Variants in FAF1 observed in about 807,000 individuals in gnomAD.
FAF1 encodes FAS-associated factor 1.
In FAF1, 25 loss-of-function variants were observed where a neutral mutation model predicts 92.5. The ratio of observed to expected loss-of-function variants is 0.27; its 90% CI spans 0.20 to 0.38. The LOEUF (loss-of-function observed/expected upper bound fraction) is 0.38, where lower values mean the gene tolerates loss of function less well. Among genes scored for constraint, FAF1 ranks in the 10% least tolerant of loss-of-function variants. The probability of loss-of-function intolerance (pLI) is 1.00; values close to 1 mark genes in which losing one functional copy is unlikely to be tolerated. For missense variants in FAF1, 636 were observed against 793.3 expected, an observed-to-expected ratio of 0.80 and a Z score of 2.38; for synonymous variants, 234 against 273.2, an observed-to-expected ratio of 0.86 and a Z score of 1.42.
intron 15 of FAF1, among the ~76,000 whole-genome samples, chr1:50,534,234 C>A (rs976152392): frequency 6.6e-6 from 1 of 152,104 alleles, no homozygotes; most frequent in Non-Finnish European, 1.5e-5. Flanking sequence ...GGCTTTCAGG[C>A]CTAGAGATGA....
chr1:50,456,524 T>TA (rs1480230188), intron 18 of FAF1, among the ~76,000 whole-genome samples: 2 of 152,202 alleles, frequency 1.3e-5, no homozygotes, highest in African/African-American at 4.8e-5. Flanking sequence ...GCTATGAAGA[T>TA]ACCATGAGTT....
At chr1:50,640,445 A>AGT (rs1654270979) in intron 8 of FAF1, among the ~76,000 whole-genome samples, 1 of 151,720 alleles carries the variant, frequency 6.6e-6, no homozygotes, top group African/African-American at 2.4e-5. Context: ...GGCGCCCACC[A>AGT]CCATACCCAG....
At chr1:50,648,263 C>T (rs1222378568) in intron 8 of FAF1, among the ~76,000 whole-genome samples, 2 of 150,866 alleles carry the variant, frequency 1.3e-5, no homozygotes, top group African/African-American at 4.9e-5. Flanking sequence ...CGTCTCAAAA[C>T]AAAACAAAAC....
intron 17 of FAF1, among the ~76,000 whole-genome samples, chr1:50,477,237 T>C (rs984187068): frequency 7.9e-5 from 12 of 152,314 alleles, no homozygotes; most frequent in African/African-American, 2.9e-4. Context: ...AGGCACTGAA[T>C]AACCACCTAC....
At chr1:50,810,960 G>A (rs180703459) in intron 2 of FAF1, among the ~76,000 whole-genome samples, 3 of 152,244 alleles carry the variant, frequency 2.0e-5, no homozygotes, top group East Asian at 3.9e-4. Context: ...CAGGAGAATC[G>A]CTTAAGCCTG....
At chr1:50,936,510 A>G (rs890667303) in intron 1 of FAF1, among the ~76,000 whole-genome samples, 1 of 152,204 alleles carries the variant, frequency 6.6e-6, no homozygotes, top group African/African-American at 2.4e-5. Context: ...AAGTTCAAGA[A>G]AATTACAAGC....
At chr1:50,817,465 T>C (rs2124613871) in intron 2 of FAF1, among the ~76,000 whole-genome samples, 1 of 152,318 alleles carries the variant, frequency 6.6e-6, no homozygotes. Flanking sequence ...AGCAAAATGT[T>C]GGTTGCCAGA....
At chr1:50,596,599 T>C (rs1396160868) in intron 8 of FAF1, among the ~76,000 whole-genome samples, 1 of 152,118 alleles carries the variant, frequency 6.6e-6, no homozygotes, top group Non-Finnish European at 1.5e-5. Flanking sequence ...AAATTGTAGG[T>C]GAGATACAAA....
intron 2 of FAF1, among the ~76,000 whole-genome samples, chr1:50,803,992 A>G (rs1662096555): frequency 6.6e-6 from 1 of 152,172 alleles, no homozygotes; most frequent in African/African-American, 2.4e-5. Context: ...CTATGCTTCA[A>G]ACAATGGGAA....
At chr1:50,930,019 A>G (rs1645036209) in intron 1 of FAF1, among the ~76,000 whole-genome samples, 1 of 152,196 alleles carries the variant, frequency 6.6e-6, no homozygotes. Context: ...TTCCAAGTAG[A>G]CTCCAATGAT....
chr1:50,493,897 C>A (rs1345416660), intron 15 of FAF1, among the ~76,000 whole-genome samples: 1 of 152,200 alleles, frequency 6.6e-6, no homozygotes, highest in Non-Finnish European at 1.5e-5. Flanking sequence ...AAAGCAATCA[C>A]AGCTGGAAGC....
chr1:50,785,132 C>CAAAAA (rs748061344), intron 4 of FAF1, among the ~76,000 whole-genome samples: 50 of 59,098 alleles, frequency 8.5e-4, no homozygotes, highest in African/African-American at 2.7e-3. Flanking sequence ...GACCCTATCT[C>CAAAAA]AAAAAAAAAA....
rs530088148 is a variant in FAF1, at chr1:50,663,699, G to A, written c.658-8171C>T. Among the ~76,000 whole-genome samples the A allele has an allele frequency of 1.8e-4, 28 of 151,648 alleles. No individual in the cohort carries two copies. The South Asian group carries it at 4.4e-3, about 24-fold the overall frequency. ...ATTACTGGCGTGAGCCACCGCGCCC[G>A]GCCAGAAGCACCGCTTTAGAATGTG... On this transcript the variant is annotated intron_variant, in intron 7 of 18. Transcript: ENST00000396153.
At chr1:50,661,263 C>T (rs532315801) in intron 7 of FAF1, among the ~76,000 whole-genome samples, 3 of 152,256 alleles carry the variant, frequency 2.0e-5, no homozygotes, top group East Asian at 1.9e-4. Flanking sequence ...TTCTATCAAT[C>T]TAATGTCATC....
intron 1 of FAF1, among the ~76,000 whole-genome samples, chr1:50,928,782 C>CAAAAAAAAAAAAAAAAAAAAAAAAAAA: frequency 2.5e-5 from 1 of 39,704 alleles, no homozygotes; most frequent in African/African-American, 8.8e-5. Context: ...GACTCCACCT[C>CAAAAAAAAAAAAAAAAAAAAAAAAAAA]AAAAAAAAAA....
intron 1 of FAF1, among the ~76,000 whole-genome samples, chr1:50,952,994 C>G (rs970958578): frequency 2.0e-5 from 3 of 152,216 alleles, no homozygotes; most frequent in Non-Finnish European, 4.4e-5. Flanking sequence ...GGGATTGTTG[C>G]TGTGTCTGTG....
chr1:50,725,628 G>T (rs931202626), intron 6 of FAF1, among the ~76,000 whole-genome samples: 1 of 151,972 alleles, frequency 6.6e-6, no homozygotes, highest in African/African-American at 2.4e-5. Flanking sequence ...GCTAATTTTT[G>T]TATTTTTAGT....
intron 8 of FAF1, among the ~76,000 whole-genome samples, chr1:50,639,126 T>C (rs74367063): frequency 0.03 from 4,640 of 152,332 alleles, 251 homozygotes; most frequent in African/African-American, 0.11. Flanking sequence ...TATCTATCAG[T>C]AGTTTGCTGC....
At chr1:50,533,536 G>A (rs1335616109) in intron 15 of FAF1, among the ~76,000 whole-genome samples, 1 of 152,154 alleles carries the variant, frequency 6.6e-6, no homozygotes, top group Non-Finnish European at 1.5e-5. Context: ...AATATGGTAT[G>A]ACTCTTGCTC....
Sources: gnomAD v4.1 joint callset for allele counts (sites outside exome capture counted in the v4.1 genomes callset) on GRCh38, gnomAD v4.1.1 for gene constraint, MANE v1.5 for transcripts, NCBI Gene and HGNC (gene_info 2026-07-23, HGNC 2026-07-21) for gene names.